DOCK3: variants seen among roughly 807,000 people sequenced by gnomAD.
The protein encoded by DOCK3 is dedicator of cytokinesis protein 3.
DOCK3 carries 60 observed loss-of-function variants against 265.6 expected under a neutral mutation model. The ratio of observed to expected loss-of-function variants is 0.23; its 90% CI spans 0.18 to 0.28. The LOEUF (loss-of-function observed/expected upper bound fraction) is 0.28. DOCK3 is among the 10% of genes least tolerant of loss of function. The pLI, the probability that DOCK3 is intolerant of heterozygous loss-of-function variation, is 1.00. For missense variants in DOCK3, 1,981 were observed against 2,594.3 expected (o/e 0.76, Z 5.14); for synonymous variants, 881 against 938.0 (o/e 0.94, Z 1.11).
intron 14 of DOCK3, among the ~76,000 whole-genome samples, chr3:51,217,090 C>T (rs569294628): frequency 1.3e-5 from 2 of 151,908 alleles, no homozygotes; most frequent in Non-Finnish European, 2.9e-5. Flanking sequence ...TATTCATAAA[C>T]TGTGATCCTT....
chr3:51,325,298 A>C (rs761041860), intron 32 of DOCK3, among the ~76,000 whole-genome samples: 11 of 152,222 alleles, frequency 7.2e-5, no homozygotes, highest in Admixed American at 1.3e-4. Flanking sequence ...TGGCCAACAA[A>C]CATATGTAAA....
intron 14 of DOCK3, among the ~76,000 whole-genome samples, chr3:51,216,368 C>A (rs1320058545): frequency 6.6e-6 from 1 of 152,142 alleles, no homozygotes; most frequent in African/African-American, 2.4e-5. Flanking sequence ...TAATTTCAAG[C>A]ATTGGTGAGG....
intron 32 of DOCK3, among the ~76,000 whole-genome samples, chr3:51,315,745 T>G (rs1340742664): frequency 6.6e-6 from 1 of 152,128 alleles, no homozygotes; most frequent in Non-Finnish European, 1.5e-5. Flanking sequence ...ATAAATAACT[T>G]GCTAACAGCA....
Position 50,833,486 on chromosome 3 carries a change from C to T in DOCK3, c.122-8189C>T, listed in dbSNP as rs143777438. ...TGGAACTGTGTTCCATAAGGAATCT[C>T]AGATAAAACTTTTTTTAAAAGCCAA... On this transcript the variant is annotated intron_variant, in intron 2 of 52. Transcript: ENST00000266037. Among the ~76,000 whole-genome samples the T allele has an allele frequency of 1.6e-3, 241 of 152,226 alleles. 2 individuals carry two copies. Among genetic ancestry groups the T allele is most frequent in the African/African-American group, 5.5e-3 (227 of 41,538 alleles).
intron 4 of DOCK3, among the ~76,000 whole-genome samples, chr3:50,895,502 A>C (rs2107769140): frequency 6.6e-6 from 1 of 151,904 alleles, no homozygotes; most frequent in African/African-American, 2.4e-5. Context: ...GTAAGGGGAT[A>C]CAAAGATTTC....
chr3:51,308,214 C>T (rs968352556), intron 27 of DOCK3, among the ~76,000 whole-genome samples: 2 of 150,012 alleles, frequency 1.3e-5, no homozygotes, highest in African/African-American at 2.4e-5. Context: ...TATTATTCAT[C>T]CATTTTTCTT....
chr3:51,170,206 A>G (rs2086606929), intron 12 of DOCK3, among the ~76,000 whole-genome samples: 1 of 152,168 alleles, frequency 6.6e-6, no homozygotes, highest in Admixed American at 6.5e-5. Context: ...GATAAGGGTT[A>G]CTCAACCTAT....
chr3:50,835,796 A>G (rs2045473424), intron 2 of DOCK3, among the ~76,000 whole-genome samples: 1 of 152,148 alleles, frequency 6.6e-6, no homozygotes, highest in Non-Finnish European at 1.5e-5. Flanking sequence ...CAGTGCAATG[A>G]TTTTACTGTG....
At chr3:50,943,628 GA>G (rs1459848485) in intron 5 of DOCK3, among the ~76,000 whole-genome samples, 2 of 151,966 alleles carry the variant, frequency 1.3e-5, no homozygotes, top group Non-Finnish European at 2.9e-5. Flanking sequence ...TAATTGTTAT[GA>G]AAAATAAAAC....
At chr3:51,170,613 T>G (rs2086626698) in intron 12 of DOCK3, among the ~76,000 whole-genome samples, 2 of 152,176 alleles carry the variant, frequency 1.3e-5, no homozygotes, top group South Asian at 4.1e-4. Flanking sequence ...ATTTTATTTA[T>G]TTGAGTCTTC....
chr3:50,839,887 G>C (rs1206635673), intron 2 of DOCK3, among the ~76,000 whole-genome samples: 1 of 151,010 alleles, frequency 6.6e-6, no homozygotes, highest in Non-Finnish European at 1.5e-5. Context: ...TCCTGCCTCA[G>C]CCTCCTGAGT....
intron 26 of DOCK3, chr3:51,278,638 C>T (rs1257211879): frequency 2.7e-6 from 2 of 753,616 alleles, no homozygotes; most frequent in Non-Finnish European, 3.2e-6. Context: ...ATATATGTAC[C>T]CTGGCATTTC....
chr3:50,970,646 T>A (rs1407856407), intron 5 of DOCK3, among the ~76,000 whole-genome samples: 1 of 150,990 alleles, frequency 6.6e-6, no homozygotes, highest in African/African-American at 2.4e-5. Flanking sequence ...ATCTCTTCAG[T>A]AAATTTTTCA....
At chr3:50,886,049 T>C (rs1399462485) in intron 3 of DOCK3, among the ~76,000 whole-genome samples, 1 of 151,994 alleles carries the variant, frequency 6.6e-6, no homozygotes, top group Non-Finnish European at 1.5e-5. Context: ...GTTTCCAGCT[T>C]CTTCACTTTA....
chr3:51,191,883 A>G (rs903420729), intron 12 of DOCK3, among the ~76,000 whole-genome samples: 4 of 151,624 alleles, frequency 2.6e-5, no homozygotes, highest in African/African-American at 9.7e-5. Context: ...TACTCTGAAT[A>G]TTAGTCCCTT....
intron 14 of DOCK3, among the ~76,000 whole-genome samples, chr3:51,218,768 G>C (rs1416360665): frequency 1.3e-5 from 2 of 152,174 alleles, no homozygotes; most frequent in Non-Finnish European, 2.9e-5. Context: ...AGATGACTAA[G>C]TTTTTTTCCT....
chr3:50,703,314 TC>T (rs1308701256), intron 1 of DOCK3, among the ~76,000 whole-genome samples: 3 of 152,178 alleles, frequency 2.0e-5, no homozygotes, highest in African/African-American at 7.2e-5. Context: ...CTCTTTTTTT[TC>T]TTGTGTCTTT....
At chr3:51,017,876 T>G (rs979235329) in intron 5 of DOCK3, among the ~76,000 whole-genome samples, 1 of 151,822 alleles carries the variant, frequency 6.6e-6, no homozygotes, top group Non-Finnish European at 1.5e-5. Flanking sequence ...GTGTGACAAT[T>G]TCAGGTTTTC....
chr3:50,885,446 G>T (rs1263857194), intron 3 of DOCK3, among the ~76,000 whole-genome samples: 1 of 150,316 alleles, frequency 6.7e-6, no homozygotes, highest in African/African-American at 2.5e-5. Flanking sequence ...TGGATCATAT[G>T]GTAAGGCTAT....
Sources: allele counts gnomAD v4.1 joint callset (sites outside exome capture counted in the v4.1 genomes callset), GRCh38; gene constraint gnomAD v4.1.1; transcripts MANE v1.5; gene names NCBI Gene and HGNC (gene_info 2026-07-23, HGNC 2026-07-21).